Variants in ZFP2 observed in about 807,000 individuals in gnomAD.
ZFP2 encodes zinc finger protein ZFP2.
In ZFP2, 33 loss-of-function variants were observed where a neutral mutation model predicts 36.1. That is an observed-to-expected ratio of 0.92 (90% confidence interval 0.69 to 1.22). ZFP2 has a LOEUF of 1.22. ZFP2 is among the 50% of genes most tolerant of loss of function. The pLI, the probability that ZFP2 is intolerant of heterozygous loss-of-function variation, is 0.00. For synonymous variants in ZFP2, 170 were observed against 178.0 expected, an observed-to-expected ratio of 0.96 and a Z score of 0.36; for missense variants, 522 against 551.4, an observed-to-expected ratio of 0.95 and a Z score of 0.53.
In ZFP2 at chr5:178,931,706, GTGTAA is replaced by G. The variant is rs775191185; in HGVS notation, c.398_402del (p.Asn133MetfsTer7). ...TTCATACTGGGGAGAAACCCTATAA[GTGTAA>G]TGTATGTGGGAAACACTTCATTGAA... On this transcript the variant is annotated frameshift_variant, in exon 5 of 5. Transcript: ENST00000361362. LOFTEE classifies it high-confidence loss of function. 2.0e-5 allele frequency: 33 copies of G among 1,614,108 alleles called. No homozygotes were observed. In the Admixed American group the frequency reaches 2.7e-4, roughly 13 times the overall value.
Position 178,931,625 on chromosome 5 carries a change from T to C in ZFP2, c.312T>C (p.Cys104=). The change falls in exon 5 of 5, where the codon TGT becomes TGC. Residue 104 remains cysteine (C), a synonymous_variant. Coordinates refer to ENST00000361362, the MANE Select transcript of ZFP2 (RefSeq NM_030613.4). ...TTGTAGGAAAGAAGATCTATGAATG[T>C]AATCAGTGCAGCAAAACCTTCAGTC... The part of the protein sequence containing the change: ...RMFVGKKIYE[C]NQCSKTFSQS... 6.2e-7 allele frequency: 1 copy of C among 1,614,190 alleles called. No individual in the cohort carries two copies. The highest frequency in any genetic ancestry group is 8.5e-7 in the Non-Finnish European group (1 of 1,180,040).
chr5:178,916,568 T>G lies in ZFP2; in HGVS notation c.-220T>G. The G allele has an allele frequency of 1.0e-6, 1 of 985,414 alleles. No homozygotes were observed. Among genetic ancestry groups the G allele is most frequent in the Non-Finnish European group, 1.2e-6 (1 of 829,924 alleles). 61.0% of individuals were successfully genotyped at this position (985,414 alleles called of 1,614,324 possible). A position where few individuals can be genotyped will look rare whatever the true frequency, so the allele number is the denominator to read the frequency against. On this transcript the variant is annotated 5_prime_UTR_variant, in exon 4 of 5. Transcript: ENST00000361362. Reference sequence around the variant, plus strand: ...CTCCAGATCTTGTTCTTTCCAGATTTTCTTGGATATTGCTGTCAGATTAAT... The same window carrying G: ...CTCCAGATCTTGTTCTTTCCAGATTGTCTTGGATATTGCTGTCAGATTAAT...
chr5:178,930,269 T>G (rs1321145935), intron 4 of ZFP2, among the ~76,000 whole-genome samples: 2 of 151,692 alleles, frequency 1.3e-5, no homozygotes, highest in Non-Finnish European at 2.9e-5. Context: ...ATATTTCATT[T>G]TATTTACTTC....
At chr5:178,901,448 A>T (rs1359239092) in intron 1 of ZFP2, among the ~76,000 whole-genome samples, 1 of 152,196 alleles carries the variant, frequency 6.6e-6, no homozygotes, top group Non-Finnish European at 1.5e-5. Context: ...GCTCTCTGAA[A>T]CTGGTGGGGG....
chr5:178,905,741 CT>C (rs1179450780), intron 1 of ZFP2, among the ~76,000 whole-genome samples: 37 of 146,544 alleles, frequency 2.5e-4, no homozygotes, highest in Admixed American at 6.1e-4. Context: ...TGTTCACTTT[CT>C]TTTTTTTTTT....
At chr5:178,908,874 A>G (rs1266464999) in intron 1 of ZFP2, among the ~76,000 whole-genome samples, 1 of 152,180 alleles carries the variant, frequency 6.6e-6, no homozygotes, top group Non-Finnish European at 1.5e-5. Context: ...AAGCTGAGGC[A>G]GGGCTTGCAT....
At chr5:178,927,783 C>T (rs1318853190) in intron 4 of ZFP2, among the ~76,000 whole-genome samples, 1 of 151,428 alleles carries the variant, frequency 6.6e-6, no homozygotes, top group Non-Finnish European at 1.5e-5. Context: ...TGATTCTGCC[C>T]ACCTCAGCCT....
Position 178,931,589 on chromosome 5 carries a change from T to G in ZFP2, c.276T>G (p.Thr92=), listed in dbSNP as rs1464654876. 1 of 1,614,024 alleles carries G rather than the reference T, an allele frequency of 6.2e-7. No individual in the cohort carries two copies. Among genetic ancestry groups the G allele is most frequent in the African/African-American group, 1.3e-5 (1 of 74,928 alleles). ...DATQNSELIK[T]QRMFVGKKIY... ...CACAAAATTCTGAGTTAATTAAAAC[T>G]CAAAGAATGTTTGTAGGAAAGAAGA... Residue 92 remains threonine, a synonymous_variant, in exon 5 of 5, where the codon ACT becomes ACG. Coordinates refer to ENST00000361362, the MANE Select transcript of ZFP2 (RefSeq NM_030613.4).
At chr5:178,913,981 G>A (rs531242128) in intron 3 of ZFP2, 3 of 150,750 alleles carry the variant, frequency 2.0e-5, no homozygotes, top group South Asian at 2.1e-4. Context: ...CTCAGCCTCC[G>A]GAGTAGCTGG....
intron 1 of ZFP2, chr5:178,910,095 T>C: frequency 1.4e-6 from 2 of 1,470,794 alleles, no homozygotes; most frequent in Admixed American, 1.7e-5. Flanking sequence ...GAATTTATTC[T>C]CCTGTTTGGC....
intron 1 of ZFP2, chr5:178,910,298 CA>C: frequency 1.6e-6 from 2 of 1,289,458 alleles, no homozygotes; most frequent in Admixed American, 3.4e-5. Context: ...TGCCTTCCTC[CA>C]AAATTGCATC....
intron 1 of ZFP2, among the ~76,000 whole-genome samples, chr5:178,904,751 G>GGAGT (rs1758134723): frequency 7.7e-6 from 1 of 129,980 alleles, no homozygotes; most frequent in Non-Finnish European, 1.5e-5. Flanking sequence ...CTCCCAGGCT[G>GGAGT]GAGTGCAATG....
At chr5:178,925,124 T>TAC (rs1758640385) in intron 4 of ZFP2, among the ~76,000 whole-genome samples, 1 of 69,550 alleles carries the variant, frequency 1.4e-5, no homozygotes, top group Non-Finnish European at 3.9e-5. Context: ...TATATATATA[T>TAC]ATACACACAC....
At chr5:178,927,638 A>G (rs913125365) in intron 4 of ZFP2, among the ~76,000 whole-genome samples, 1 of 149,452 alleles carries the variant, frequency 6.7e-6, no homozygotes, top group African/African-American at 2.5e-5. Flanking sequence ...CTGGGATTAC[A>G]GGTGCACACC....
chr5:178,921,318 G>A (rs181269806), intron 4 of ZFP2, among the ~76,000 whole-genome samples: 1 of 152,228 alleles, frequency 6.6e-6, no homozygotes, highest in Admixed American at 6.5e-5. Context: ...TGGCTACAAG[G>A]CAGGGGCCTG....
At chr5:178,920,537 T>C (rs1758537657) in intron 4 of ZFP2, among the ~76,000 whole-genome samples, 1 of 151,556 alleles carries the variant, frequency 6.6e-6, no homozygotes, top group East Asian at 1.9e-4. Flanking sequence ...CTCAGGAGGC[T>C]GAGGCAGGAG....
rs537482235 is a variant in ZFP2 at position 178,913,035 on chromosome 5, C to G, written c.-260C>G. ...TTCCCAGCTGGAACGAGAACTGAGT[C>G]TGATGCAAAAAGAACCGCCTGAGGG... On this transcript the variant is annotated 5_prime_UTR_variant, in exon 3 of 5. Coordinates refer to ENST00000361362, the MANE Select transcript of ZFP2 (RefSeq NM_030613.4). 9.1e-6 allele frequency: 9 copies of G among 985,892 alleles called. No individual in the cohort carries two copies. The African/African-American group carries it at 1.4e-4, about 15-fold the overall frequency. The allele number at this position is 985,892 out of a possible 1,614,324, so 61.1% of individuals were successfully genotyped here.
intron 4 of ZFP2, among the ~76,000 whole-genome samples, chr5:178,929,952 G>T (rs112718441): frequency 0.017 from 2,478 of 148,724 alleles, 102 homozygotes; most frequent in Middle Eastern, 0.052. Flanking sequence ...TGGGGGGGGG[G>T]GCTCAGGAGG....
chr5:178,898,072 T>C (rs1757977981), intron 1 of ZFP2, among the ~76,000 whole-genome samples: 1 of 152,182 alleles, frequency 6.6e-6, no homozygotes, highest in African/African-American at 2.4e-5. Flanking sequence ...CACTGCAACC[T>C]CTACCTCCCC....
Sources: gnomAD v4.1 joint callset for allele counts (sites outside exome capture counted in the v4.1 genomes callset) on GRCh38, gnomAD v4.1.1 for gene constraint, MANE v1.5 for transcripts, NCBI Gene and HGNC (gene_info 2026-07-23, HGNC 2026-07-21) for gene names.